Variants in LHFPL2 observed in about 807,000 individuals in gnomAD.
LHFPL2 encodes LHFPL tetraspan subfamily member 2.
LHFPL2 carries 7 observed loss-of-function variants against 17.5 expected under a neutral mutation model. The ratio of observed to expected loss-of-function variants is 0.40; its 90% confidence interval spans 0.23 to 0.75. LHFPL2 has a LOEUF of 0.75. Among genes scored for constraint, LHFPL2 ranks in the 30% least tolerant of loss-of-function variants. LHFPL2 has a pLI of 0.37. For synonymous variants in LHFPL2, 134 were observed against 116.2 expected, an observed-to-expected ratio of 1.15 and a Z score of -0.99; for missense variants, 241 against 294.8, an observed-to-expected ratio of 0.82 and a Z score of 1.34.
chr5:78,520,983 C>T (rs577716138), intron 3 of LHFPL2, among the ~76,000 whole-genome samples: 1 of 152,282 alleles, frequency 6.6e-6, no homozygotes, highest in Non-Finnish European at 1.5e-5. Flanking sequence ...TAGCTGTATG[C>T]CGAAAGACAT....
intron 2 of LHFPL2, among the ~76,000 whole-genome samples, chr5:78,574,321 C>G (rs1055122475): frequency 4.6e-5 from 7 of 152,184 alleles, no homozygotes; most frequent in Non-Finnish European, 8.8e-5. Flanking sequence ...CCAGCTTGGC[C>G]CCAGGAGGAG....
chr5:78,605,823 C>T (rs558053965), intron 2 of LHFPL2, among the ~76,000 whole-genome samples: 2 of 152,302 alleles, frequency 1.3e-5, no homozygotes, highest in East Asian at 3.9e-4. Context: ...CTTCATAGTA[C>T]TGTCAGCAGA....
Position 78,510,379 on chromosome 5 carries a change from A to T in LHFPL2, c.-166T>A. 1.4e-6 allele frequency: 1 copy of T among 692,954 alleles called. No individual in the cohort carries two copies. The highest frequency in any genetic ancestry group is 2.3e-6 in the Non-Finnish European group (1 of 425,986). The allele number at this position is 692,954 out of a possible 1,614,324, so 42.9% of individuals were successfully genotyped here. A position where few individuals can be genotyped will look rare whatever the true frequency, so the allele number is the denominator to read the frequency against. On this transcript the variant is annotated 5_prime_UTR_variant, in exon 4 of 5. Coordinates refer to ENST00000380345, the MANE Select transcript of LHFPL2 (RefSeq NM_005779.3). ...CTGGGGACAGCGCTCCCGGACCCAG[A>T]GCACCGCCTGCGGCCTCACCTAGGG...
At chr5:78,505,139 T>C (rs1183521433) in intron 4 of LHFPL2, among the ~76,000 whole-genome samples, 1 of 152,186 alleles carries the variant, frequency 6.6e-6, no homozygotes, top group Non-Finnish European at 1.5e-5. Flanking sequence ...AAAAACAAAC[T>C]GCTTGATGTT....
intron 2 of LHFPL2, among the ~76,000 whole-genome samples, chr5:78,596,624 G>T (rs796967529): frequency 6.6e-6 from 1 of 152,022 alleles, no homozygotes; most frequent in Non-Finnish European, 1.5e-5. Context: ...AAAGTGTCAC[G>T]TGCCTGTCTG....
At chr5:78,634,857 AG>A (rs1193037197) in intron 1 of LHFPL2, among the ~76,000 whole-genome samples, 1 of 152,206 alleles carries the variant, frequency 6.6e-6, no homozygotes, top group African/African-American at 2.4e-5. Context: ...TGCCCCCTTG[AG>A]GACAAAGACA....
In LHFPL2 at chr5:78,488,549, A is replaced by C. The variant is rs2112280826; in HGVS notation, c.*348T>G. 2 of 273,570 alleles carry C rather than the reference A, an allele frequency of 7.3e-6. No individual in the cohort carries two copies. The highest frequency in any genetic ancestry group is 8.2e-5 in the East Asian group (1 of 12,164). 16.9% of individuals were successfully genotyped at this position (273,570 alleles called of 1,614,324 possible). A position where few individuals can be genotyped will look rare whatever the true frequency, so the allele number is the denominator to read the frequency against. On this transcript the variant is annotated 3_prime_UTR_variant, in exon 5 of 5. Transcript: ENST00000380345. ...CAGTGTTGGAGCAGAAACAGCCTGC[A>C]GATCTGGCGGACGGTCTCTTCCGTT...
At chr5:78,599,514 T>G (rs1053708370) in intron 2 of LHFPL2, among the ~76,000 whole-genome samples, 6 of 151,994 alleles carry the variant, frequency 3.9e-5, no homozygotes, top group South Asian at 2.1e-4. Flanking sequence ...TTTCACCATG[T>G]TGGCCAGGCT....
At chr5:78,570,027 C>G (rs1207805408) in intron 2 of LHFPL2, among the ~76,000 whole-genome samples, 1 of 152,188 alleles carries the variant, frequency 6.6e-6, no homozygotes, top group Non-Finnish European at 1.5e-5. Flanking sequence ...TATTCCCACA[C>G]TGCTGGGACC....
intron 2 of LHFPL2, among the ~76,000 whole-genome samples, chr5:78,621,192 T>C (rs1744841310): frequency 6.6e-6 from 1 of 152,164 alleles, no homozygotes; most frequent in South Asian, 2.1e-4. Context: ...GGATTCAGTA[T>C]TCAGTGGTTC....
At position 78,488,804 on chromosome 5, in the gene LHFPL2, G is replaced by C; in HGVS notation, c.*93C>G. 2 of 1,456,490 alleles carry C rather than the reference G, an allele frequency of 1.4e-6. No individual in the cohort carries two copies. The highest frequency in any genetic ancestry group is 1.9e-6 in the Non-Finnish European group (2 of 1,065,980). The allele number at this position is 1,456,490 out of a possible 1,614,324, so 90.2% of individuals were successfully genotyped here. ...GGGCCGTGGAACGTGGCTTTGGTAG[G>C]TAAAGGTTAGTTCTCCACTTGACTC... On this transcript the variant is annotated 3_prime_UTR_variant, in exon 5 of 5. Transcript: ENST00000380345.
rs746063082 is a variant in LHFPL2, at chr5:78,488,970, G to C, written c.614C>G (p.Ala205Gly). 1 of 1,614,156 alleles carries C rather than the reference G, an allele frequency of 6.2e-7. No homozygotes were observed. The highest frequency in any genetic ancestry group is 8.5e-7 in the Non-Finnish European group (1 of 1,180,004). ...TFICAVFSAQAEIATSSDKVQ... is the reference protein window; with the variant it reads ...TFICAVFSAQGEIATSSDKVQ... ...TTTGTCACTAGAGGTTGCAATTTCT[G>C]CTTGTGCAGAGAAGACAGCACAGAT... Residue 205 changes from alanine to glycine, a missense_variant, in exon 5 of 5, where the codon GCA becomes GGA. Coordinates refer to ENST00000380345, the MANE Select transcript of LHFPL2 (RefSeq NM_005779.3).
At chr5:78,600,451 A>ATG (rs1743972774) in intron 2 of LHFPL2, among the ~76,000 whole-genome samples, 1 of 152,142 alleles carries the variant, frequency 6.6e-6, no homozygotes, top group Non-Finnish European at 1.5e-5. Context: ...GCAAGAGGCC[A>ATG]TGTGCAGTGG....
intron 3 of LHFPL2, among the ~76,000 whole-genome samples, chr5:78,544,693 T>C (rs1404892638): frequency 6.6e-6 from 1 of 151,908 alleles, no homozygotes; most frequent in African/African-American, 2.4e-5. Flanking sequence ...CAGGCCACCT[T>C]GGTGGGAAAC....
intron 4 of LHFPL2, chr5:78,494,242 G>A (rs1754536130): frequency 2.6e-6 from 1 of 380,088 alleles, no homozygotes; most frequent in Non-Finnish European, 3.6e-6. Flanking sequence ...TTCATGACTG[G>A]GTCGCAGCAA....
intron 3 of LHFPL2, among the ~76,000 whole-genome samples, chr5:78,563,995 T>C (rs533912201): frequency 6.6e-6 from 1 of 152,304 alleles, no homozygotes; most frequent in African/African-American, 2.4e-5. Flanking sequence ...AAAAGACTTT[T>C]CTACAAATGA....
At position 78,487,038 on chromosome 5, in the gene LHFPL2, T is replaced by A. The variant is rs1754270446; in HGVS notation, c.*1859A>T. 1 of 152,168 alleles carries A rather than the reference T, an allele frequency of 6.6e-6. No homozygotes were observed. The highest frequency in any genetic ancestry group is 1.9e-4 in the East Asian group (1 of 5,196). 9.4% of individuals were successfully genotyped at this position (152,168 alleles called of 1,614,324 possible). A position where few individuals can be genotyped will look rare whatever the true frequency, so the allele number is the denominator to read the frequency against. Reference sequence around the variant, plus strand: ...TTTCTGTGTGGTGTTAGAGATATGGTTAAGGTTTCCTAGGCTGCTATGAAG... The same window carrying A: ...TTTCTGTGTGGTGTTAGAGATATGGATAAGGTTTCCTAGGCTGCTATGAAG... On this transcript the variant is annotated 3_prime_UTR_variant, in exon 5 of 5. Transcript: ENST00000380345.
chr5:78,524,406 T>C lies in LHFPL2; in HGVS notation c.-185-14008A>G, dbSNP rs189910308. ...GTCTGGCGTAATTATTCAAATGTCA[T>C]GCTCTGTTCCAACAATAATATCACA... On this transcript the variant is annotated intron_variant, in intron 3 of 4. Coordinates refer to ENST00000380345, the MANE Select transcript of LHFPL2 (RefSeq NM_005779.3). 1.1e-4 allele frequency among the ~76,000 whole-genome samples: 17 copies of C among 152,332 alleles called. No individual in the cohort carries two copies. In the East Asian group the frequency reaches 3.3e-3, roughly 29 times the overall value.
chr5:78,581,630 G>A (rs913401208), intron 2 of LHFPL2, among the ~76,000 whole-genome samples: 1 of 152,166 alleles, frequency 6.6e-6, no homozygotes, highest in Non-Finnish European at 1.5e-5. Flanking sequence ...TTGCATCCCA[G>A]GGATGAAGCC....
Sources: gnomAD v4.1 joint callset for allele counts (sites outside exome capture counted in the v4.1 genomes callset) on GRCh38, gnomAD v4.1.1 for gene constraint, MANE v1.5 for transcripts, NCBI Gene and HGNC (gene_info 2026-07-23, HGNC 2026-07-21) for gene names.